ATP23: variants seen among roughly 807,000 people sequenced by gnomAD.
The protein encoded by ATP23 is ATP23 metallopeptidase and ATP synthase assembly factor homolog, also known as mitochondrial inner membrane protease ATP23 homolog.
Under a neutral mutation model 28.5 loss-of-function variants are expected in ATP23, and 24 were observed. The observed-to-expected ratio is 0.84, with a 90% CI of 0.61 to 1.18. The LOEUF (loss-of-function observed/expected upper bound fraction) is 1.18. Ranked by LOEUF, ATP23 falls within the 50% of genes most tolerant of loss-of-function variation. The probability of loss-of-function intolerance (pLI) is 0.00; values close to 1 mark genes in which losing one functional copy is unlikely to be tolerated. For missense variants in ATP23, 274 were observed against 306.4 expected (o/e 0.89, Z 0.79); for synonymous variants, 99 against 108.6 (o/e 0.91, Z 0.55).
At chr12:57,950,799 G>A (rs1416662977) in intron 3 of ATP23, among the ~76,000 whole-genome samples, 6 of 152,122 alleles carry the variant, frequency 3.9e-5, no homozygotes, top group Non-Finnish European at 7.4e-5. Flanking sequence ...AAAGTACTGG[G>A]ATTATAGGCA....
chr12:57,951,248 A>G (rs1447137653), intron 3 of ATP23, among the ~76,000 whole-genome samples: 2 of 152,192 alleles, frequency 1.3e-5, no homozygotes, highest in Non-Finnish European at 2.9e-5. Flanking sequence ...GATAAGAAGT[A>G]TTTTACATAT....
intron 3 of ATP23, among the ~76,000 whole-genome samples, chr12:57,950,361 A>G (rs1956802930): frequency 6.6e-6 from 1 of 151,010 alleles, no homozygotes; most frequent in Non-Finnish European, 1.5e-5. Context: ...TCTTCCGTCA[A>G]CCCTCCCTCT....
Position 57,941,724 on chromosome 12 carries a change from G to C in ATP23, c.23G>C (p.Arg8Pro). The C allele has an allele frequency of 6.3e-7, 1 of 1,598,986 alleles. No individual in the cohort carries two copies. The highest frequency in any genetic ancestry group is 8.5e-7 in the Non-Finnish European group (1 of 1,174,020). MAGAPDE[R>P]RRGPAAGEQL... is the part of the protein sequence containing the mutation. Reference sequence around the variant, plus strand: ...GGCATGGCGGGAGCTCCGGACGAGCGCCGGCGGGGCCCCGCGGCAGGGGAG... The same window carrying C: ...GGCATGGCGGGAGCTCCGGACGAGCCCCGGCGGGGCCCCGCGGCAGGGGAG... Residue 8 changes from arginine (R) to proline (P), a missense_variant, in exon 1 of 6, where the codon CGC becomes CCC. By Grantham distance (103) the Arg-to-Pro change is moderately radical. Transcript: ENST00000300145.
chr12:57,945,083 A>G (rs1439230840), intron 1 of ATP23, among the ~76,000 whole-genome samples: 2 of 152,222 alleles, frequency 1.3e-5, no homozygotes, highest in African/African-American at 4.8e-5. Context: ...TGATCATTTA[A>G]CTAAAAATGA....
chr12:57,947,579 T>C (rs1482284895), intron 3 of ATP23, among the ~76,000 whole-genome samples: 1 of 152,230 alleles, frequency 6.6e-6, no homozygotes, highest in African/African-American at 2.4e-5. Context: ...TTTTGAATGC[T>C]AAATTAAAGG....
chr12:57,955,388 A>G (rs1039746058), intron 5 of ATP23, among the ~76,000 whole-genome samples: 2 of 152,066 alleles, frequency 1.3e-5, no homozygotes, highest in African/African-American at 4.8e-5. Flanking sequence ...CAGCAGCAGA[A>G]AACAAATAGA....
intron 4 of ATP23, among the ~76,000 whole-genome samples, chr12:57,952,575 G>A (rs190993193): frequency 1.3e-5 from 2 of 152,286 alleles, no homozygotes; most frequent in East Asian, 1.9e-4. Flanking sequence ...ATACTTGGAT[G>A]TCATTAATTG....
chr12:57,946,380 T>G (rs570751520), intron 2 of ATP23, among the ~76,000 whole-genome samples: 1 of 152,240 alleles, frequency 6.6e-6, no homozygotes, highest in Admixed American at 6.5e-5. Flanking sequence ...CATCCACTTC[T>G]TAACATTCTG....
At chr12:57,944,059 GTTT>G (rs10672119) in intron 1 of ATP23, among the ~76,000 whole-genome samples, 13 of 137,410 alleles carry the variant, frequency 9.5e-5, no homozygotes, top group African/African-American at 3.5e-4. Flanking sequence ...CTAAACCATG[GTTT>G]TTTTTTTTTT....
At chr12:57,945,742 T>G in intron 2 of ATP23, 69 bp downstream of exon 2, 14 of 1,364,822 alleles carry the variant, frequency 1.0e-5, no homozygotes, top group East Asian at 2.3e-5. Context: ...GTTCTCTTCT[T>G]AAGAGAACTG....
chr12:57,956,554 T>C, intron 5 of ATP23, 133 bp from the exon 6 acceptor site: 1 of 773,288 alleles, frequency 1.3e-6, no homozygotes, highest in East Asian at 2.8e-5. Flanking sequence ...TGTTTTCTTC[T>C]TTGGAATGAC....
intron 5 of ATP23, among the ~76,000 whole-genome samples, chr12:57,954,391 A>T (rs1298393683): frequency 6.6e-6 from 1 of 152,150 alleles, no homozygotes; most frequent in Non-Finnish European, 1.5e-5. Flanking sequence ...GTGTTGCTGC[A>T]CAAGTTATGG....
At chr12:57,953,744 GA>G (rs1956838043) in intron 5 of ATP23, 55 bp downstream of exon 5, 2 of 1,443,074 alleles carry the variant, frequency 1.4e-6, no homozygotes, top group Non-Finnish European at 1.9e-6. Flanking sequence ...TGGAAATAAT[GA>G]ATAAAGAAAT....
chr12:57,951,732 ACTT>A (rs765521260), intron 3 of ATP23, 23 bp from the exon 4 acceptor site: 7 of 1,609,136 alleles, frequency 4.4e-6, no homozygotes, highest in Non-Finnish European at 6.0e-6. Flanking sequence ...GAATCACTGA[ACTT>A]CTTTTATTTT....
chr12:57,950,729 C>G (rs1044750074), intron 3 of ATP23, among the ~76,000 whole-genome samples: 3 of 151,614 alleles, frequency 2.0e-5, no homozygotes, highest in African/African-American at 7.3e-5. Flanking sequence ...GGGTTTTGCT[C>G]TGTTGCCCAG....
chr12:57,945,686 T>C lies in ATP23; in HGVS notation c.233+13T>C, dbSNP rs1272265517. 3.1e-6 allele frequency: 5 copies of C among 1,613,256 alleles called. No homozygotes were observed. In the Admixed American group the frequency reaches 5.0e-5, roughly 16 times the overall value. Reference sequence around the variant, plus strand: ...AACACTCAGGTTGGTAAGTAACTCTTTTTGAAGTGCTGCTCTGAGGTCTGG... The same window carrying C: ...AACACTCAGGTTGGTAAGTAACTCTCTTTGAAGTGCTGCTCTGAGGTCTGG... On this transcript the variant is annotated intron_variant, in intron 2 of 5. Coordinates refer to ENST00000300145, the MANE Select transcript of ATP23 (RefSeq NM_033276.4).
At chr12:57,945,867 T>G (rs1956755320) in intron 2 of ATP23, among the ~76,000 whole-genome samples, 194 bp downstream of exon 2, 2 of 104,578 alleles carry the variant, frequency 1.9e-5, no homozygotes, top group Non-Finnish European at 3.6e-5. Context: ...CTAACTCATG[T>G]TTTTTTTTTT....
At chr12:57,948,829 A>G (rs192277474) in intron 3 of ATP23, among the ~76,000 whole-genome samples, 60 of 152,338 alleles carry the variant, frequency 3.9e-4, no homozygotes, top group Non-Finnish European at 7.3e-4. Flanking sequence ...TACCATCTAC[A>G]TATACAATCC....
chr12:57,942,362 C>T (rs946273197), intron 1 of ATP23, among the ~76,000 whole-genome samples: 1 of 151,540 alleles, frequency 6.6e-6, no homozygotes, highest in Admixed American at 6.6e-5. Context: ...GGCTTCAGAG[C>T]GTAGAAATCC....
Sources: allele counts gnomAD v4.1 joint callset (sites outside exome capture counted in the v4.1 genomes callset), GRCh38; gene constraint gnomAD v4.1.1; transcripts MANE v1.5; gene names NCBI Gene and HGNC (gene_info 2026-07-23, HGNC 2026-07-21).